Variants in DGKB observed in about 807,000 individuals in gnomAD.
The protein encoded by DGKB is 90 kDa diacylglycerol kinase.
DGKB carries 67 observed loss-of-function variants against 114.3 expected under a neutral mutation model. That is an observed-to-expected ratio of 0.59 (90% CI 0.48 to 0.72). The LOEUF (loss-of-function observed/expected upper bound fraction) is 0.72, where lower values mean the gene tolerates loss of function less well. Among genes scored for constraint, DGKB ranks in the 30% least tolerant of loss-of-function variants. The probability of loss-of-function intolerance (pLI) is 0.00; values close to 1 mark genes in which losing one functional copy is unlikely to be tolerated. For missense variants in DGKB, 907 were observed against 975.2 expected, an observed-to-expected ratio of 0.93 and a Z score of 0.93; for synonymous variants, 398 against 323.1, an observed-to-expected ratio of 1.23 and a Z score of -2.49.
intron 2 of DGKB, among the ~76,000 whole-genome samples, chr7:14,783,056 G>A (rs1839365333): frequency 6.6e-6 from 1 of 152,030 alleles, no homozygotes; most frequent in African/African-American, 2.4e-5. Context: ...TATGAACTTT[G>A]CCTTTCTTAA....
intron 23 of DGKB, among the ~76,000 whole-genome samples, chr7:14,283,164 G>A (rs1420190215): frequency 1.3e-5 from 2 of 151,682 alleles, no homozygotes; most frequent in East Asian, 3.9e-4. Flanking sequence ...CTTCAGCAAA[G>A]TCTCAGCATA....
chr7:14,277,706 T>C (rs1799236639), intron 23 of DGKB, among the ~76,000 whole-genome samples: 1 of 152,254 alleles, frequency 6.6e-6, no homozygotes, highest in African/African-American at 2.4e-5. Flanking sequence ...CCACTGTGTA[T>C]AGTGCTACAA....
intron 21 of DGKB, among the ~76,000 whole-genome samples, chr7:14,378,060 T>G (rs1818788951): frequency 6.6e-6 from 1 of 152,188 alleles, no homozygotes. Flanking sequence ...CAGAGTTACT[T>G]AGTCAGACAT....
intron 23 of DGKB, among the ~76,000 whole-genome samples, chr7:14,200,341 T>C (rs1481741367): frequency 6.6e-6 from 1 of 152,018 alleles, no homozygotes; most frequent in Non-Finnish European, 1.5e-5. Context: ...TACCTATCAC[T>C]GTGCACTTTG....
At chr7:14,267,920 C>T (rs919567652) in intron 23 of DGKB, among the ~76,000 whole-genome samples, 2 of 152,020 alleles carry the variant, frequency 1.3e-5, no homozygotes, top group African/African-American at 4.8e-5. Flanking sequence ...TATTTTAGAA[C>T]AATTCTACTA....
At chr7:14,474,746 CTAAT>C (rs1324768469) in intron 21 of DGKB, among the ~76,000 whole-genome samples, 2 of 151,348 alleles carry the variant, frequency 1.3e-5, no homozygotes, top group African/African-American at 4.9e-5. Context: ...TTTATGAATA[CTAAT>C]TGACAATTTA....
At position 14,754,054 on chromosome 7, in the gene DGKB, A is replaced by AT. The variant is rs1187168182; in HGVS notation, c.148-107dup. On this transcript the variant is annotated intron_variant, in intron 3 of 25. Transcript: ENST00000402815. ...GCTAAAAGTTCAAGTTTACAGGTTG[A>AT]TTTTAAAACACACCCTAGATCCATA... 1.0e-5 allele frequency: 8 copies of AT among 791,030 alleles called. No individual in the cohort carries two copies. In the African/African-American group the frequency reaches 1.4e-4, roughly 14 times the overall value. The allele number at this position is 791,030 out of a possible 1,614,324, so 49.0% of individuals were successfully genotyped here.
chr7:14,404,141 T>C (rs1823572328), intron 21 of DGKB, among the ~76,000 whole-genome samples: 1 of 150,984 alleles, frequency 6.6e-6, no homozygotes, highest in African/African-American at 2.4e-5. Context: ...AGGTTGGATA[T>C]CTACTTTCTT....
intron 23 of DGKB, among the ~76,000 whole-genome samples, chr7:14,213,036 AT>A (rs1405517658): frequency 6.6e-6 from 1 of 152,014 alleles, no homozygotes; most frequent in African/African-American, 2.4e-5. Flanking sequence ...ATTCATTCAA[AT>A]TTTTGTCTAT....
At chr7:14,272,497 AC>A (rs1369391351) in intron 23 of DGKB, among the ~76,000 whole-genome samples, 3 of 152,230 alleles carry the variant, frequency 2.0e-5, no homozygotes, top group Admixed American at 6.5e-5. Context: ...CTATTTTCCA[AC>A]CATTTTTCTA....
At chr7:14,354,128 G>T (rs1250659385) in intron 21 of DGKB, among the ~76,000 whole-genome samples, 1 of 152,038 alleles carries the variant, frequency 6.6e-6, no homozygotes. Context: ...AATATACCCT[G>T]ATGTCTGAGA....
intron 23 of DGKB, among the ~76,000 whole-genome samples, chr7:14,197,375 C>G (rs1785176824): frequency 6.6e-6 from 1 of 151,758 alleles, no homozygotes; most frequent in Admixed American, 6.6e-5. Flanking sequence ...TGAAAGAAGA[C>G]TAAACTTGAA....
At chr7:14,187,231 GA>G (rs1482654425) in intron 23 of DGKB, among the ~76,000 whole-genome samples, 1 of 152,164 alleles carries the variant, frequency 6.6e-6, no homozygotes, top group Non-Finnish European at 1.5e-5. Flanking sequence ...AGCTCAGTAA[GA>G]AAGCTAAGAG....
intron 25 of DGKB, among the ~76,000 whole-genome samples, chr7:14,170,063 G>A (rs1020916735): frequency 1.3e-5 from 2 of 149,318 alleles, no homozygotes; most frequent in Admixed American, 6.7e-5. Flanking sequence ...GAACCCAGGA[G>A]GTGGATGTTG....
At chr7:14,896,098 G>C (rs1219011105) in intron 1 of DGKB, among the ~76,000 whole-genome samples, 1 of 151,650 alleles carries the variant, frequency 6.6e-6, no homozygotes, top group African/African-American at 2.4e-5. Flanking sequence ...GAAACTAATA[G>C]GTTTCCTCAC....
chr7:14,444,529 C>T (rs935563324), intron 21 of DGKB, among the ~76,000 whole-genome samples: 1 of 151,772 alleles, frequency 6.6e-6, no homozygotes, highest in South Asian at 2.1e-4. Flanking sequence ...TTTGATTTCT[C>T]TAAACTTCAG....
chr7:14,277,632 T>C (rs964514518), intron 23 of DGKB, among the ~76,000 whole-genome samples: 4 of 152,216 alleles, frequency 2.6e-5, no homozygotes, highest in Admixed American at 2.6e-4. Context: ...TTTTATTGTA[T>C]ACATTTACAA....
chr7:14,334,577 T>C (rs1178484546), intron 23 of DGKB, among the ~76,000 whole-genome samples: 1 of 151,794 alleles, frequency 6.6e-6, no homozygotes, highest in Non-Finnish European at 1.5e-5. Context: ...TCCGCAAATC[T>C]GGCAATGAAT....
chr7:14,320,634 G>C (rs1428134674), intron 23 of DGKB, among the ~76,000 whole-genome samples: 1 of 151,614 alleles, frequency 6.6e-6, no homozygotes, highest in Non-Finnish European at 1.5e-5. Context: ...ATATAGTCCT[G>C]TAGGGTCTGT....
Sources: allele counts gnomAD v4.1 joint callset (sites outside exome capture counted in the v4.1 genomes callset), GRCh38; gene constraint gnomAD v4.1.1; transcripts MANE v1.5; gene names NCBI Gene and HGNC (gene_info 2026-07-23, HGNC 2026-07-21).